The following GALNT13 variants were observed in gnomAD, a reference collection of about 807,000 sequenced individuals.
The protein encoded by GALNT13 is UDP-GalNAc:polypeptide N-acetylgalactosaminyltransferase 13.
GALNT13 carries 28 observed loss-of-function variants against 64.2 expected under a neutral mutation model. The observed-to-expected ratio is 0.44, with a 90% CI of 0.32 to 0.60. GALNT13 has a LOEUF of 0.60. Ranked by LOEUF, GALNT13 falls within the 20% of genes least tolerant of loss-of-function variation. The probability of loss-of-function intolerance (pLI) is 0.05; values close to 1 mark genes in which losing one functional copy is unlikely to be tolerated. For missense variants in GALNT13, 577 were observed against 669.8 expected, an observed-to-expected ratio of 0.86 and a Z score of 1.53; for synonymous variants, 214 against 224.6, an observed-to-expected ratio of 0.95 and a Z score of 0.42.
At chr2:153,235,289 G>A in the GALNT13 span, among the ~76,000 whole-genome samples, 16 of 152,182 alleles carry the variant, frequency 1.1e-4, no homozygotes, top group African/African-American at 3.1e-4. Context: ...AAGAATTTGA[G>A]AGTGAGTCCA....
the GALNT13 span, among the ~76,000 whole-genome samples, chr2:153,489,980 T>TACACAC: frequency 0.019 from 2,740 of 147,944 alleles, 41 homozygotes; most frequent in African/African-American, 0.042. Context: ...GGCCCTGTTT[T>TACACAC]ACACACACAC....
At chr2:153,768,438 G>A in the GALNT13 span, among the ~76,000 whole-genome samples, 2 of 152,208 alleles carry the variant, frequency 1.3e-5, no homozygotes, top group South Asian at 2.1e-4. Flanking sequence ...GTTTTCTTAG[G>A]TCTAGTAGTA....
chr2:153,625,506 A>G, the GALNT13 span, among the ~76,000 whole-genome samples: 1 of 152,120 alleles, frequency 6.6e-6, no homozygotes, highest in Non-Finnish European at 1.5e-5. Context: ...CAAAAAAGTC[A>G]CACATGCCAC....
chr2:153,514,991 C>T, the GALNT13 span, among the ~76,000 whole-genome samples: 1 of 152,112 alleles, frequency 6.6e-6, no homozygotes, highest in South Asian at 2.1e-4. Flanking sequence ...TATTGCTTCC[C>T]ACCCAAGACC....
the GALNT13 span, among the ~76,000 whole-genome samples, chr2:153,372,981 G>A: frequency 3.3e-3 from 504 of 152,164 alleles, 4 homozygotes; most frequent in African/African-American, 0.011. Flanking sequence ...TGCCATTTTT[G>A]TGGAGTTGCA....
chr2:153,444,569 C>A, the GALNT13 span, among the ~76,000 whole-genome samples: 4 of 152,088 alleles, frequency 2.6e-5, no homozygotes, highest in African/African-American at 9.7e-5. Context: ...TGATAATTTT[C>A]AAATCAGAGA....
the GALNT13 span, among the ~76,000 whole-genome samples, chr2:153,731,626 T>G: frequency 1.3e-5 from 2 of 152,044 alleles, no homozygotes; most frequent in Non-Finnish European, 2.9e-5. Context: ...AATATAGGAT[T>G]CAAACTTTAC....
upstream of GALNT13, among the ~76,000 whole-genome samples, chr2:153,869,934 C>T (rs886902586): frequency 5.3e-5 from 8 of 151,950 alleles, no homozygotes; most frequent in African/African-American, 1.2e-4. Context: ...CTTTTTGGAG[C>T]CCTGCAACTA....
the GALNT13 span, among the ~76,000 whole-genome samples, chr2:153,640,351 T>C: frequency 7.2e-5 from 11 of 152,252 alleles, no homozygotes; most frequent in African/African-American, 2.4e-4. Context: ...GAAAGAGTGG[T>C]GGTCCATACT....
rs144748067 is a variant in GALNT13, at chr2:154,002,751, C to A, written c.142+58112C>A. ...CCTGTGCATTTGCTGAAATAGCCACCTCTTCCATCTATTGCAGTTGTTCTT... is the reference window on the plus strand; with the variant it reads ...CCTGTGCATTTGCTGAAATAGCCACATCTTCCATCTATTGCAGTTGTTCTT... On this transcript the variant is annotated intron_variant, in intron 3 of 12. Transcript: ENST00000392825. 3.6e-3 allele frequency among the ~76,000 whole-genome samples: 551 copies of A among 152,250 alleles called. 4 individuals carry two copies. Among genetic ancestry groups the A allele is most frequent in the African/African-American group, 0.013 (522 of 41,554 alleles).
chr2:153,793,968 T>A, the GALNT13 span, among the ~76,000 whole-genome samples: 1 of 152,192 alleles, frequency 6.6e-6, no homozygotes, highest in African/African-American at 2.4e-5. Flanking sequence ...TAATGCTATA[T>A]ACAGTATGTT....
chr2:153,393,229 T>C, the GALNT13 span, among the ~76,000 whole-genome samples: 1 of 151,996 alleles, frequency 6.6e-6, no homozygotes, highest in African/African-American at 2.4e-5. Flanking sequence ...CTAATCTTAA[T>C]TTATTTTGTA....
At chr2:153,919,417 T>C (rs967125109) in intron 2 of GALNT13, among the ~76,000 whole-genome samples, 2 of 151,978 alleles carry the variant, frequency 1.3e-5, no homozygotes, top group Non-Finnish European at 2.9e-5. Context: ...TTTTCTGTTA[T>C]AAATAATTAA....
chr2:153,437,335 A>G, the GALNT13 span, among the ~76,000 whole-genome samples: 5 of 152,228 alleles, frequency 3.3e-5, no homozygotes, highest in East Asian at 5.8e-4. Context: ...GTAGATGTCT[A>G]TTGGGTCCAC....
the GALNT13 span, among the ~76,000 whole-genome samples, chr2:153,281,754 A>C: frequency 6.6e-6 from 1 of 151,042 alleles, no homozygotes; most frequent in Non-Finnish European, 1.5e-5. Flanking sequence ...TTCTGCTGAG[A>C]GTCTACTGTT....
intron 3 of GALNT13, among the ~76,000 whole-genome samples, chr2:154,033,141 T>G (rs1394879041): frequency 6.6e-6 from 1 of 151,864 alleles, no homozygotes. Flanking sequence ...ATCTAAAAAA[T>G]GAACATAGAC....
chr2:153,452,567 T>A, the GALNT13 span, among the ~76,000 whole-genome samples: 1 of 151,798 alleles, frequency 6.6e-6, no homozygotes, highest in Non-Finnish European at 1.5e-5. Flanking sequence ...AAGTAGTTTC[T>A]TTCTATCTAG....
chr2:154,181,233 A>G (rs983936339), intron 4 of GALNT13, among the ~76,000 whole-genome samples: 35 of 152,210 alleles, frequency 2.3e-4, no homozygotes, highest in African/African-American at 8.4e-4. Flanking sequence ...TAAAGTGTTG[A>G]TTATCAGTAA....
chr2:154,348,191 G>T (rs564838397), intron 9 of GALNT13, among the ~76,000 whole-genome samples: 75 of 152,164 alleles, frequency 4.9e-4, no homozygotes, highest in African/African-American at 1.4e-3. Context: ...CTTGGTCTTG[G>T]TTCTAACTCC....
Sources: allele counts gnomAD v4.1 joint callset (sites outside exome capture counted in the v4.1 genomes callset), GRCh38; gene constraint gnomAD v4.1.1; transcripts MANE v1.5; gene names NCBI Gene and HGNC (gene_info 2026-07-23, HGNC 2026-07-21).